The following BUD13 variants were observed in gnomAD, a reference collection of about 807,000 sequenced individuals.
BUD13 encodes the protein BUD13 homolog.
Under a neutral mutation model 62.5 loss-of-function variants are expected in BUD13, and 47 were observed. That is an observed-to-expected ratio of 0.75 (90% CI 0.60 to 0.96). BUD13 has a LOEUF of 0.96. BUD13 is among the 40% of genes least tolerant of loss of function. The pLI is 0.00. For missense variants in BUD13, 821 were observed against 790.9 expected (o/e 1.04, Z -0.46); for synonymous variants, 293 against 280.1 (o/e 1.05, Z -0.46).
intron 2 of BUD13, among the ~76,000 whole-genome samples, chr11:116,768,365 T>C (rs574395019): frequency 5.3e-5 from 8 of 152,060 alleles, no homozygotes; most frequent in African/African-American, 1.9e-4. Context: ...AGCAGAGGAG[T>C]AGACTCCAAA....
rs763192747 is a variant in BUD13 at position 116,763,198 on chromosome 11, C to A, written c.391G>T (p.Val131Phe). 2.5e-6 allele frequency: 4 copies of A among 1,588,022 alleles called. No individual in the cohort carries two copies. Among genetic ancestry groups the A allele is most frequent in the East Asian group, 2.2e-5 (1 of 44,590 alleles). ...GATGGATCTGGGGTACCATGACGGA[C>A]CCTCCTAGGAGATGAATCCGGGGTA... ...HDTPDSSPRR[V>F]RHGTPDPSPR... The change falls in exon 4 of 10, where the codon GTC (valine) becomes TTC (phenylalanine). Residue 131 changes from valine (V) to phenylalanine (F), a missense_variant. Coordinates refer to ENST00000260210, the MANE Select transcript of BUD13 (RefSeq NM_032725.4).
chr11:116,760,634 A>G (rs1460752362), intron 5 of BUD13, 101 bp downstream of exon 5: 2 of 1,317,156 alleles, frequency 1.5e-6, no homozygotes, highest in Non-Finnish European at 1.1e-6. Flanking sequence ...TACACTTCTC[A>G]GAGCTACATC....
chr11:116,763,194 C>T lies in BUD13; in HGVS notation c.395G>A (p.Arg132His), dbSNP rs199861463. Residue 132 changes from arginine to histidine, a missense_variant, in exon 4 of 10, where the codon CGT becomes CAT. Arg to His is a conservative substitution (Grantham distance 29). This residue lies in a region of BUD13 where 800 missense variants were observed against 739.2 expected (regional missense o/e 1.08). Transcript: ENST00000260210. ...DTPDSSPRRV[R>H]HGTPDPSPRK... ...AGGAGATGGATCTGGGGTACCATGA[C>T]GGACCCTCCTAGGAGATGAATCCGG... The T allele has an allele frequency of 6.7e-5, 107 of 1,591,422 alleles. 1 individual carries two copies. Among genetic ancestry groups the T allele is most frequent in the South Asian group, 2.1e-4 (18 of 87,680 alleles).
chr11:116,763,588 G>A (rs1165633007), intron 3 of BUD13, among the ~76,000 whole-genome samples: 1 of 152,090 alleles, frequency 6.6e-6, no homozygotes, highest in Non-Finnish European at 1.5e-5. Context: ...TTCAGCTGAG[G>A]AGCTGAGTGA....
chr11:116,757,235 G>A lies in BUD13; in HGVS notation c.1685-8C>T, dbSNP rs1198522028. On this transcript the variant is annotated splice_polypyrimidine_tract_variant and splice_region_variant and intron_variant, in intron 8 of 9. Transcript: ENST00000260210. ...CACTGTAGCGAGGTCTCACTAATGA[G>A]AGGAGTAAGAAAAAAGTATTCAGTT... 1 of 1,609,850 alleles carries A rather than the reference G, an allele frequency of 6.2e-7. No individual in the cohort carries two copies. The highest frequency in any genetic ancestry group is 8.5e-7 in the Non-Finnish European group (1 of 1,176,298).
At chr11:116,768,796 G>A (rs370204438) in intron 2 of BUD13, among the ~76,000 whole-genome samples, 2 of 151,810 alleles carry the variant, frequency 1.3e-5, no homozygotes, top group African/African-American at 4.8e-5. Context: ...GAGGTCAGGA[G>A]ATCAAGACCA....
intron 1 of BUD13, among the ~76,000 whole-genome samples, chr11:116,771,076 T>A (rs905361792): frequency 1.3e-5 from 2 of 152,190 alleles, no homozygotes; most frequent in African/African-American, 4.8e-5. Context: ...AAACTCTTTC[T>A]CATTCCAGGA....
intron 8 of BUD13, among the ~76,000 whole-genome samples, chr11:116,757,502 C>T (rs1033553431): frequency 6.7e-6 from 1 of 148,868 alleles, no homozygotes; most frequent in African/African-American, 2.5e-5. Flanking sequence ...GATGGGGTTT[C>T]ACCATGTTGG....
chr11:116,758,058 T>C (rs1215599145), intron 7 of BUD13, 108 bp from the exon 8 acceptor site: 1 of 1,458,824 alleles, frequency 6.9e-7, no homozygotes, highest in African/African-American at 1.4e-5. Context: ...TCTAGTACCC[T>C]AGGGCAAATA....
At position 116,768,619 on chromosome 11, in the gene BUD13, T is replaced by A. The variant is rs117214807; in HGVS notation, c.237+1510A>T. On this transcript the variant is annotated intron_variant, in intron 2 of 9. Transcript: ENST00000260210. The stretch of plus-strand genomic sequence containing the variant: ...ACAACAAACATTGTTAATATTTACT[T>A]CTTCTGACCAAAACTAAATTGGCTC... Among the ~76,000 whole-genome samples, 1,316 of 152,342 alleles carry A rather than the reference T, an allele frequency of 8.6e-3. 7 individuals are homozygous for A. The highest frequency in any genetic ancestry group is 0.014 in the Non-Finnish European group (962 of 68,030).
Position 116,772,956 on chromosome 11 carries a change from T to C in BUD13, c.9A>G (p.Ala3=), listed in dbSNP as rs1021347982. The C allele has an allele frequency of 1.9e-6, 3 of 1,557,848 alleles. No homozygotes were observed. The highest frequency in any genetic ancestry group is 2.6e-6 in the Non-Finnish European group (3 of 1,149,934). MA[A]APPLSKAEYL... ...ACTCGGCCTTGGAAAGCGGCGGAGCTGCCGCCATGGCAGCGGCGGGGGCAG... is the reference window on the plus strand; with the variant it reads ...ACTCGGCCTTGGAAAGCGGCGGAGCCGCCGCCATGGCAGCGGCGGGGGCAG... Residue 3 remains alanine (A), a synonymous_variant, in exon 1 of 10, where the codon GCA becomes GCG. Coordinates refer to ENST00000260210, the MANE Select transcript of BUD13 (RefSeq NM_032725.4).
rs192644132 is a variant in BUD13, at chr11:116,751,490, G to A, written c.1767-2915C>T. 1.8e-4 allele frequency among the ~76,000 whole-genome samples: 28 copies of A among 152,000 alleles called. No homozygotes were observed. In the South Asian group the frequency reaches 4.6e-3, roughly 25 times the overall value. On this transcript the variant is annotated intron_variant, in intron 9 of 9. Coordinates refer to ENST00000260210, the MANE Select transcript of BUD13 (RefSeq NM_032725.4). ...CTAAAAATACAAAAATTAGCTGGGC[G>A]TGGTGCTCACGCCTGTAATCCCAGC...
intron 9 of BUD13, among the ~76,000 whole-genome samples, chr11:116,752,475 A>C (rs1940253161): frequency 7.2e-6 from 1 of 138,310 alleles, no homozygotes; most frequent in Non-Finnish European, 1.6e-5. Context: ...ACTGAGAAAA[A>C]TGAAGACAAA....
chr11:116,756,370 G>A (rs1366386694), intron 9 of BUD13, among the ~76,000 whole-genome samples: 2 of 152,010 alleles, frequency 1.3e-5, no homozygotes, highest in African/African-American at 4.8e-5. Flanking sequence ...AAATTAGCTG[G>A]GTGTGGCAGC....
intron 7 of BUD13, 108 bp from the exon 8 acceptor site, chr11:116,758,058 T>TA (rs1447920359): frequency 6.9e-7 from 1 of 1,458,706 alleles, no homozygotes; most frequent in Non-Finnish European, 9.3e-7. Context: ...TCTAGTACCC[T>TA]AGGGCAAATA....
At chr11:116,768,780 G>A (rs1205264331) in intron 2 of BUD13, among the ~76,000 whole-genome samples, 4 of 151,798 alleles carry the variant, frequency 2.6e-5, no homozygotes, top group Admixed American at 2.0e-4. Flanking sequence ...GAGGTGGGCG[G>A]ATCACGAGGT....
In BUD13 at chr11:116,757,211, A is replaced by C. The variant is rs1328692199; in HGVS notation, c.1701T>G (p.Ser567Arg). The change falls in exon 9 of 10, where the codon AGT (serine) becomes AGG (arginine). Residue 567 changes from serine (S) to arginine (R), a missense_variant. This residue lies in a region of BUD13 where 800 missense variants were observed against 739.2 expected (regional missense o/e 1.08). Coordinates refer to ENST00000260210, the MANE Select transcript of BUD13 (RefSeq NM_032725.4). ...ATCTGTTGGGAGGAGGTGCTGGACC[A>C]CTGTAGCGAGGTCTCACTAATGAGA... ...NKNKKVRPRYSGPAPPPNRFN... is the reference protein window; with the variant it reads ...NKNKKVRPRYRGPAPPPNRFN... 1.2e-6 allele frequency: 2 copies of C among 1,614,156 alleles called. No homozygotes were observed. Among genetic ancestry groups the C allele is most frequent in the South Asian group, 2.2e-5 (2 of 91,086 alleles).
Position 116,748,505 on chromosome 11 carries a change from T to A in BUD13, c.1837A>T (p.Lys613Ter), listed in dbSNP as rs139166237. 1.2e-6 allele frequency: 2 copies of A among 1,614,252 alleles called. No homozygotes were observed. The highest frequency in any genetic ancestry group is 1.7e-6 in the Non-Finnish European group (2 of 1,180,040). Residue 613 changes from lysine (K) to a stop codon, truncating the protein, a stop_gained, in exon 10 of 10, where the codon AAA (lysine) becomes TAA (stop). Coordinates refer to ENST00000260210, the MANE Select transcript of BUD13 (RefSeq NM_032725.4). LOFTEE classifies it high-confidence loss of function. ...AGTTACATATCCTCAACACTCCATT[T>A]GTAGGCAAGTTCCTCCACTGCCTTC... ...SKKAVEELAY[K>*]WSVEDM is the part of the protein sequence containing the mutation.
rs1320884487 is a variant in BUD13, at chr11:116,765,306, GA to G, written c.322+55del. The G allele has an allele frequency of 6.7e-5, 104 of 1,555,002 alleles. No individual in the cohort carries two copies. In the East Asian group the frequency reaches 1.2e-3, roughly 18 times the overall value. On this transcript the variant is annotated intron_variant, in intron 3 of 9. Coordinates refer to ENST00000260210, the MANE Select transcript of BUD13 (RefSeq NM_032725.4). ...TCCTCTAAAGAAAAGTATAGAAAAG[GA>G]AAAAAGATCTCCCCTACTAATGGAA...
Sources: allele counts gnomAD v4.1 joint callset (sites outside exome capture counted in the v4.1 genomes callset), GRCh38; gene constraint gnomAD v4.1.1; regional missense constraint gnomAD v4.1.1; transcripts MANE v1.5; gene names NCBI Gene and HGNC (gene_info 2026-07-23, HGNC 2026-07-21).